The following PIWIL4 variants were observed in gnomAD, a reference collection of about 807,000 sequenced individuals.
PIWIL4 encodes piwi-like protein 4.
In PIWIL4, 50 loss-of-function variants were observed where a neutral mutation model predicts 100.9. The observed-to-expected ratio is 0.50, with a 90% CI of 0.39 to 0.63. The LOEUF (loss-of-function observed/expected upper bound fraction) is 0.63. PIWIL4 is among the 20% of genes least tolerant of loss of function. The pLI is 0.00. For synonymous variants in PIWIL4, 342 were observed against 367.5 expected (o/e 0.93, Z 0.79); for missense variants, 887 against 1,043.3 (o/e 0.85, Z 2.06).
intron 4 of PIWIL4, among the ~76,000 whole-genome samples, chr11:94,581,056 C>A (rs990762379): frequency 6.6e-6 from 1 of 152,172 alleles, no homozygotes; most frequent in Non-Finnish European, 1.5e-5. Flanking sequence ...CCTGCCACCA[C>A]ACCCGGCTAA....
In PIWIL4 at chr11:94,577,367, T is replaced by C; in HGVS notation, c.388T>C (p.Tyr130His). Residue 130 changes from tyrosine to histidine, a missense_variant, in exon 4 of 20, where the codon TAT becomes CAT. Coordinates refer to ENST00000299001, the MANE Select transcript of PIWIL4 (RefSeq NM_152431.3). ...GCAGCTATACCAGTACCATGTGACA[T>C]ATATTCCAGATTTAGCATCTAGAAG... ...DWQLYQYHVT[Y>H]IPDLASRRLR... 1 of 1,614,048 alleles carries C rather than the reference T, an allele frequency of 6.2e-7. No homozygotes were observed. Among genetic ancestry groups the C allele is most frequent in the Middle Eastern group, 1.7e-4 (1 of 6,060 alleles).
chr11:94,595,526 A>C, intron 10 of PIWIL4, 100 bp downstream of exon 10: 1 of 954,764 alleles, frequency 1.0e-6, no homozygotes, highest in Non-Finnish European at 1.6e-6. Flanking sequence ...TGTCATTCAT[A>C]TTGATTCAGA....
chr11:94,574,637 C>T (rs1041258183), intron 2 of PIWIL4, among the ~76,000 whole-genome samples: 6 of 152,116 alleles, frequency 3.9e-5, no homozygotes, highest in Admixed American at 1.3e-4. Context: ...CATGTCACCA[C>T]GCCCAGCTGA....
intron 3 of PIWIL4, among the ~76,000 whole-genome samples, chr11:94,576,472 T>TTC (rs1948238943): frequency 6.6e-6 from 1 of 152,188 alleles, no homozygotes; most frequent in Admixed American, 6.5e-5. Flanking sequence ...AACTGGATGA[T>TTC]TCTCTGTAAG....
chr11:94,617,637 G>T (rs1948860664), intron 16 of PIWIL4, among the ~76,000 whole-genome samples: 1 of 151,880 alleles, frequency 6.6e-6, no homozygotes, highest in Admixed American at 6.6e-5. Context: ...ACTAATATTT[G>T]ATTTTAGGCA....
intron 4 of PIWIL4, among the ~76,000 whole-genome samples, chr11:94,579,482 T>TA (rs59308481): frequency 0.031 from 4,724 of 152,340 alleles, 260 homozygotes; most frequent in African/African-American, 0.11. Context: ...TTTATGCTTC[T>TA]ATCCCTTAGA....
At chr11:94,608,494 G>C (rs1948749767) in intron 14 of PIWIL4, 89 bp from the exon 15 acceptor site, 1 of 1,047,944 alleles carries the variant, frequency 9.5e-7, no homozygotes, top group Non-Finnish European at 1.5e-6. Context: ...TCAGTAACTG[G>C]AGTCTGTTTT....
rs1357603305 is a variant in PIWIL4 at position 94,616,529 on chromosome 11, T to G, written c.1980T>G (p.Thr660=). 5.6e-6 allele frequency: 9 copies of G among 1,607,984 alleles called. No homozygotes were observed. The highest frequency in any genetic ancestry group is 7.6e-6 in the Non-Finnish European group (9 of 1,178,248). Residue 660 remains threonine, a synonymous_variant, in exon 16 of 20, where the codon ACT becomes ACG. Transcript: ENST00000299001. ...FSRCILQRTM[T]DVADCLKVFM... ...GCTGTATCCTTCAGAGAACAATGACTGATGTTGCAGATTGCTTGAAAGTTT... is the reference window on the plus strand; with the variant it reads ...GCTGTATCCTTCAGAGAACAATGACGGATGTTGCAGATTGCTTGAAAGTTT...
chr11:94,600,506 C>T (rs1050231025), intron 11 of PIWIL4, among the ~76,000 whole-genome samples: 4 of 152,088 alleles, frequency 2.6e-5, no homozygotes, highest in Admixed American at 6.6e-5. Context: ...ACAAAGATCA[C>T]GTACTTTACA....
chr11:94,611,628 T>TG (rs1321550112), intron 15 of PIWIL4, among the ~76,000 whole-genome samples: 2 of 152,192 alleles, frequency 1.3e-5, no homozygotes, highest in East Asian at 3.8e-4. Flanking sequence ...GTTTTGGTCA[T>TG]GGGGGTAGAT....
chr11:94,572,098 C>G (rs1035845108), intron 2 of PIWIL4, among the ~76,000 whole-genome samples: 50 of 152,202 alleles, frequency 3.3e-4, no homozygotes, highest in East Asian at 1.2e-3. Flanking sequence ...TTTGAGAAGT[C>G]TCTGTTCATA....
In PIWIL4 at chr11:94,587,353, C is replaced by T. The variant is rs1286847101; in HGVS notation, c.914+106C>T. The stretch of plus-strand genomic sequence containing the variant: ...TTGGCCCAATATCACAGATCTAATC[C>T]ATTTACTCATCTGTTTAGAAGACCT... On this transcript the variant is annotated intron_variant, in intron 7 of 19. Coordinates refer to ENST00000299001, the MANE Select transcript of PIWIL4 (RefSeq NM_152431.3). The T allele has an allele frequency of 6.9e-6, 8 of 1,163,466 alleles. No homozygotes were observed. In the Admixed American group the frequency reaches 1.8e-4, roughly 26 times the overall value. 72.1% of individuals were successfully genotyped at this position (1,163,466 alleles called of 1,614,324 possible). A position where few individuals can be genotyped will look rare whatever the true frequency, so the allele number is the denominator to read the frequency against.
At chr11:94,618,987 A>G (rs983234683) in intron 17 of PIWIL4, among the ~76,000 whole-genome samples, 5 of 152,228 alleles carry the variant, frequency 3.3e-5, no homozygotes, top group East Asian at 3.8e-4. Flanking sequence ...TGTGTTTATT[A>G]AGAATCACAG....
In PIWIL4 at chr11:94,612,770, A is replaced by G. The variant is rs551135895; in HGVS notation, c.1944-3723A>G. ...TAAAACATCTTATGGTTATAACAGT[A>G]TATTTTAAGCTGATAACTTTATCAC... On this transcript the variant is annotated intron_variant, in intron 15 of 19. Transcript: ENST00000299001. 2.7e-3 allele frequency among the ~76,000 whole-genome samples: 409 copies of G among 152,260 alleles called. 2 individuals are homozygous for G. The highest frequency in any genetic ancestry group is 9.5e-3 in the African/African-American group (394 of 41,572).
chr11:94,602,046 G>C, intron 12 of PIWIL4, 67 bp downstream of exon 12: 1 of 1,426,650 alleles, frequency 7.0e-7, no homozygotes, highest in Non-Finnish European at 9.5e-7. Context: ...AATAATGGCA[G>C]ATGTATCAAC....
At chr11:94,602,776 A>G (rs903572120) in intron 12 of PIWIL4, among the ~76,000 whole-genome samples, 7 of 152,366 alleles carry the variant, frequency 4.6e-5, no homozygotes, top group South Asian at 2.1e-4. Context: ...CAGCACAAGT[A>G]TTAATCCCAA....
chr11:94,601,079 T>C (rs1948632212), intron 11 of PIWIL4, among the ~76,000 whole-genome samples: 1 of 148,708 alleles, frequency 6.7e-6, no homozygotes, highest in African/African-American at 2.5e-5. Context: ...CCTCCTCGGC[T>C]TACGAGATGA....
In PIWIL4 at chr11:94,619,718, T is replaced by C. The variant is rs146440470; in HGVS notation, c.2169-42T>C. On this transcript the variant is annotated intron_variant, in intron 17 of 19. Transcript: ENST00000299001. Reference sequence around the variant, plus strand: ...ACACAAAAATAGAAAGCTATATAGATTGGATTGAGTTCTTTTCATATTTTG... The same window carrying C: ...ACACAAAAATAGAAAGCTATATAGACTGGATTGAGTTCTTTTCATATTTTG... 5.8e-3 allele frequency: 9,200 copies of C among 1,580,210 alleles called. 35 individuals are homozygous for C. The highest frequency in any genetic ancestry group is 7.4e-3 in the Non-Finnish European group (8,566 of 1,162,788).
At chr11:94,599,095 A>C (rs1211053060) in intron 11 of PIWIL4, among the ~76,000 whole-genome samples, 3 of 152,214 alleles carry the variant, frequency 2.0e-5, no homozygotes, top group Non-Finnish European at 4.4e-5. Flanking sequence ...ACAAAACAAA[A>C]CAAAACTTTA....
Sources: allele counts gnomAD v4.1 joint callset (sites outside exome capture counted in the v4.1 genomes callset), GRCh38; gene constraint gnomAD v4.1.1; transcripts MANE v1.5; gene names NCBI Gene and HGNC (gene_info 2026-07-23, HGNC 2026-07-21).